The following SETD7 variants were observed in gnomAD, a reference collection of about 807,000 sequenced individuals.
SETD7 encodes histone-lysine N-methyltransferase SETD7.
SETD7 carries 16 observed loss-of-function variants against 41.8 expected under a neutral mutation model. The observed-to-expected ratio is 0.38, with a 90% CI of 0.26 to 0.58. The LOEUF is 0.58. Among genes scored for constraint, SETD7 ranks in the 20% least tolerant of loss-of-function variants. SETD7 has a pLI of 0.64. For missense variants in SETD7, 346 were observed against 459.7 expected, an observed-to-expected ratio of 0.75 and a Z score of 2.26; for synonymous variants, 163 against 169.7, an observed-to-expected ratio of 0.96 and a Z score of 0.31.
chr4:139,496,610 G>A, intron 7 of SETD7: 1 of 624,872 alleles, frequency 1.6e-6, no homozygotes, highest in East Asian at 2.7e-5. Context: ...AAGCCAGAAA[G>A]GAGACTTTTA....
chr4:139,518,284 A>G (rs1727085083), intron 6 of SETD7, among the ~76,000 whole-genome samples: 1 of 152,140 alleles, frequency 6.6e-6, no homozygotes. Flanking sequence ...GTGCACCACC[A>G]TGCCTGGCTA....
rs931982634 is a variant in SETD7, at chr4:139,555,750, A to G, written c.40+348T>C. On this transcript the variant is annotated intron_variant, in intron 1 of 7. Transcript: ENST00000274031. This position sits in a 1 kb window ranked among gnomAD's most constrained non-coding sequence, Gnocchi z 4.0. Reference sequence around the variant, plus strand: ...CCGGCCTCAAGGGGCTGCCCTGCGGAGTGCACCCACCCTCCGCGCCCAAAG... The same window carrying G: ...CCGGCCTCAAGGGGCTGCCCTGCGGGGTGCACCCACCCTCCGCGCCCAAAG... 2.6e-5 allele frequency among the ~76,000 whole-genome samples: 4 copies of G among 152,174 alleles called. No individual in the cohort carries two copies. The highest frequency in any genetic ancestry group is 9.6e-5 in the African/African-American group (4 of 41,548).
downstream of SETD7, chr4:139,495,836 G>T (rs1158024607): frequency 2.6e-5 from 4 of 152,308 alleles, no homozygotes; most frequent in African/African-American, 9.7e-5. Flanking sequence ...TGCCAGTGGG[G>T]CCAGAAAATT....
At chr4:139,549,995 G>A (rs988266807) in intron 1 of SETD7, among the ~76,000 whole-genome samples, 2 of 151,968 alleles carry the variant, frequency 1.3e-5, no homozygotes, top group African/African-American at 4.8e-5. Context: ...GGCCAGGCTG[G>A]TCTCGAACTT....
At position 139,506,365 on chromosome 4, in the gene SETD7, A is replaced by G. The variant is rs1189941449; in HGVS notation, c.*5298T>C. 1.3e-5 allele frequency: 2 copies of G among 152,682 alleles called. No homozygotes were observed. Among genetic ancestry groups the G allele is most frequent in the Non-Finnish European group, 2.9e-5 (2 of 68,052 alleles). The allele number at this position is 152,682 out of a possible 1,614,324, so 9.5% of individuals were successfully genotyped here. ...CGTGATGGGGTTAACTTTTGGTTGC[A>G]ATAAATGCTGAAAGCATACCCCTGG... On this transcript the variant is annotated 3_prime_UTR_variant, in exon 8 of 8. Transcript: ENST00000274031.
At chr4:139,526,987 G>T (rs966848665) in intron 4 of SETD7, among the ~76,000 whole-genome samples, 1 of 151,972 alleles carries the variant, frequency 6.6e-6, no homozygotes, top group Non-Finnish European at 1.5e-5. Context: ...TCAAATATAC[G>T]ACATGCATCA....
Position 139,517,232 on chromosome 4 carries a change from T to C in SETD7, c.920+653A>G, listed in dbSNP as rs533528724. Reference sequence around the variant, plus strand: ...GCTCACGCCTGTAATCCCAACACTTTGGGAGGCCGAGGCTGGTGGATCACC... The same window carrying C: ...GCTCACGCCTGTAATCCCAACACTTCGGGAGGCCGAGGCTGGTGGATCACC... On this transcript the variant is annotated intron_variant, in intron 7 of 7. Coordinates refer to ENST00000274031, the MANE Select transcript of SETD7 (RefSeq NM_030648.4). Among the ~76,000 whole-genome samples the C allele has an allele frequency of 7.7e-4, 117 of 152,214 alleles. 2 individuals are homozygous for C. In the South Asian group the frequency reaches 0.023, roughly 30 times the overall value.
rs889225763 is a variant in SETD7, at chr4:139,555,571, G to A, written c.40+527C>T. Reference sequence around the variant, plus strand: ...CTGCCGCCTGGGCCGCGGCTGCCACGTGCCTGGTCTGGCCCCGTGCGCTGC... The same window carrying A: ...CTGCCGCCTGGGCCGCGGCTGCCACATGCCTGGTCTGGCCCCGTGCGCTGC... On this transcript the variant is annotated intron_variant, in intron 1 of 7. Coordinates refer to ENST00000274031, the MANE Select transcript of SETD7 (RefSeq NM_030648.4). The surrounding 1 kb of genome is among the most constrained non-coding windows in gnomAD (Gnocchi z 4.0). 2.4e-4 allele frequency among the ~76,000 whole-genome samples: 37 copies of A among 152,040 alleles called. No individual in the cohort carries two copies. Among genetic ancestry groups the A allele is most frequent in the Non-Finnish European group, 5.9e-5 (4 of 67,970 alleles).
At chr4:139,536,246 T>C (rs948127963) in intron 2 of SETD7, among the ~76,000 whole-genome samples, 2 of 152,346 alleles carry the variant, frequency 1.3e-5, no homozygotes, top group African/African-American at 4.8e-5. Flanking sequence ...TTCCACACTA[T>C]ATTTTTCCTT....
At chr4:139,499,781 T>A (rs1726533397) in intron 7 of SETD7, among the ~76,000 whole-genome samples, 1 of 152,204 alleles carries the variant, frequency 6.6e-6, no homozygotes, top group Admixed American at 6.5e-5. Flanking sequence ...CAACATCTGC[T>A]GTTCTCAGTG....
At chr4:139,543,929 A>T (rs979710959) in intron 2 of SETD7, among the ~76,000 whole-genome samples, 2 of 151,890 alleles carry the variant, frequency 1.3e-5, no homozygotes, top group African/African-American at 4.8e-5. Context: ...GCGCCGCTGC[A>T]CTCCAGCCTG....
At chr4:139,505,454 T>C (rs1332569632), downstream of SETD7, among the ~76,000 whole-genome samples, 13 of 151,998 alleles carry the variant, frequency 8.6e-5, no homozygotes. Context: ...CTGAGTGTGG[T>C]GGTAAGCGCC....
Position 139,555,344 on chromosome 4 carries a change from A to C in SETD7, c.40+754T>G, listed in dbSNP as rs1311989579. 6.6e-6 allele frequency among the ~76,000 whole-genome samples: 1 copy of C among 151,800 alleles called. No individual in the cohort carries two copies. The highest frequency in any genetic ancestry group is 1.5e-5 in the Non-Finnish European group (1 of 67,950). ...TTCAGAAAGTTAAGTGTCACCCAGCAATCTCGGTGCGGACTCGCGGCGCGC... is the reference window on the plus strand; with the variant it reads ...TTCAGAAAGTTAAGTGTCACCCAGCCATCTCGGTGCGGACTCGCGGCGCGC... On this transcript the variant is annotated intron_variant, in intron 1 of 7. Coordinates refer to ENST00000274031, the MANE Select transcript of SETD7 (RefSeq NM_030648.4). The surrounding 1 kb of genome is among the most constrained non-coding windows in gnomAD (Gnocchi z 4.0).
chr4:139,553,992 C>T (rs1400077829), intron 1 of SETD7, among the ~76,000 whole-genome samples: 1 of 152,220 alleles, frequency 6.6e-6, no homozygotes, highest in Non-Finnish European at 1.5e-5. Context: ...TGCACACACA[C>T]ACTCCTGGCA....
In SETD7 at chr4:139,551,836, C is replaced by G. The variant is rs187599456; in HGVS notation, c.40+4262G>C. Among the ~76,000 whole-genome samples, 1,483 of 152,140 alleles carry G rather than the reference C, an allele frequency of 9.7e-3. 31 individuals carry two copies. The highest frequency in any genetic ancestry group is 0.034 in the African/African-American group (1,403 of 41,482). The stretch of plus-strand genomic sequence containing the variant: ...GACCAGTCTGGGCAATACAGTGAGA[C>G]CCCATCTCATTAAATAAATAAATAA... On this transcript the variant is annotated intron_variant, in intron 1 of 7. Coordinates refer to ENST00000274031, the MANE Select transcript of SETD7 (RefSeq NM_030648.4).
At chr4:139,494,417 A>T (rs17280300), downstream of SETD7, among the ~76,000 whole-genome samples, 673 of 152,320 alleles carry the variant, frequency 4.4e-3, 2 homozygotes, top group Non-Finnish European at 7.0e-3. Context: ...AATTATTATG[A>T]CTAAACAGGC....
chr4:139,543,896 G>A (rs1174287870), intron 2 of SETD7, among the ~76,000 whole-genome samples: 4 of 151,992 alleles, frequency 2.6e-5, no homozygotes, highest in African/African-American at 7.3e-5. Context: ...CCCAGGAGGC[G>A]GAGCTTGCAG....
chr4:139,520,476 G>C (rs964844346), intron 5 of SETD7, 82 bp from the exon 6 acceptor site: 1 of 708,216 alleles, frequency 1.4e-6, no homozygotes, highest in East Asian at 2.8e-5. Flanking sequence ...TATCATTAAG[G>C]CTACTGATTC....
intron 3 of SETD7, among the ~76,000 whole-genome samples, chr4:139,529,594 A>G (rs928077795): frequency 6.6e-6 from 1 of 152,224 alleles, no homozygotes; most frequent in Non-Finnish European, 1.5e-5. Context: ...AATGTAACTA[A>G]GTGTTATTTT....
Sources: gnomAD v4.1 joint callset for allele counts (sites outside exome capture counted in the v4.1 genomes callset) on GRCh38, gnomAD v4.1.1 for gene constraint, Gnocchi (gnomAD v3.1) non-coding constraint, MANE v1.5 for transcripts, NCBI Gene and HGNC (gene_info 2026-07-23, HGNC 2026-07-21) for gene names.